ANKRD44: variants seen among roughly 807,000 people sequenced by gnomAD.
The protein encoded by ANKRD44 is serine/threonine-protein phosphatase 6 regulatory ankyrin repeat subunit B.
A neutral mutation model predicts 116.0 loss-of-function variants in ANKRD44; 35 were observed. The observed-to-expected ratio is 0.30, with a 90% confidence interval of 0.23 to 0.40. The LOEUF is 0.40. Ranked by LOEUF, ANKRD44 falls within the 10% of genes least tolerant of loss-of-function variation. The pLI is 1.00. For synonymous variants in ANKRD44, 435 were observed against 461.8 expected (o/e 0.94, Z 0.74); for missense variants, 1,014 against 1,242.6 (o/e 0.82, Z 2.77).
chr2:196,981,542 G>A (rs879259114), intron 21 of ANKRD44, among the ~76,000 whole-genome samples: 2 of 152,164 alleles, frequency 1.3e-5, no homozygotes, highest in Admixed American at 6.5e-5. Flanking sequence ...GTGGGAGGCT[G>A]AGGCAGGTGG....
intron 2 of ANKRD44, among the ~76,000 whole-genome samples, chr2:197,148,909 A>G (rs2079571803): frequency 6.6e-6 from 1 of 152,224 alleles, no homozygotes; most frequent in South Asian, 2.1e-4. Flanking sequence ...CTTGTTATAG[A>G]TATATCACCC....
intron 1 of ANKRD44, among the ~76,000 whole-genome samples, chr2:197,195,195 G>T (rs1333156777): frequency 6.6e-6 from 1 of 152,050 alleles, no homozygotes; most frequent in Non-Finnish European, 1.5e-5. Context: ...TGCCCAGGCT[G>T]CTCTTGAACC....
chr2:197,223,395 G>C (rs2081628930), intron 1 of ANKRD44, among the ~76,000 whole-genome samples: 1 of 152,056 alleles, frequency 6.6e-6, no homozygotes, highest in African/African-American at 2.4e-5. Flanking sequence ...GATTTAGAGG[G>C]CATATATATC....
At chr2:197,272,479 G>T (rs987940180) in intron 1 of ANKRD44, among the ~76,000 whole-genome samples, 4 of 152,134 alleles carry the variant, frequency 2.6e-5, no homozygotes, top group Non-Finnish European at 4.4e-5. Context: ...CTTGTGATCC[G>T]CCCGCCTTGG....
intron 2 of ANKRD44, among the ~76,000 whole-genome samples, chr2:197,150,008 G>T (rs2079602204): frequency 6.6e-6 from 1 of 152,122 alleles, no homozygotes; most frequent in Admixed American, 6.5e-5. Context: ...AAATCTAGCT[G>T]GTTATTATGA....
chr2:197,013,410 AT>A, intron 18 of ANKRD44, 100 bp downstream of exon 18: 1 of 1,307,390 alleles, frequency 7.6e-7, no homozygotes, highest in South Asian at 1.4e-5. Flanking sequence ...AAGAAAATTG[AT>A]ATTTAAAAAA....
intron 4 of ANKRD44, among the ~76,000 whole-genome samples, chr2:197,130,605 T>C (rs2079072845): frequency 6.6e-6 from 1 of 152,242 alleles, no homozygotes; most frequent in African/African-American, 2.4e-5. Context: ...GTACCGCTTG[T>C]CTACATTCTA....
intron 16 of ANKRD44, among the ~76,000 whole-genome samples, chr2:197,026,798 G>C (rs1020761127): frequency 6.6e-6 from 1 of 152,110 alleles, no homozygotes; most frequent in Non-Finnish European, 1.5e-5. Context: ...ACAGTGGCTT[G>C]GACCAGCAAG....
At chr2:197,074,628 C>G (rs1038842047) in intron 16 of ANKRD44, among the ~76,000 whole-genome samples, 5 of 152,110 alleles carry the variant, frequency 3.3e-5, no homozygotes, top group Non-Finnish European at 7.4e-5. Context: ...CACATCACAT[C>G]ACCATACCTG....
chr2:197,121,356 G>C lies in ANKRD44; in HGVS notation c.882C>G (p.Asn294Lys). 1 of 1,614,126 alleles carries C rather than the reference G, an allele frequency of 6.2e-7. No individual in the cohort carries two copies. Among genetic ancestry groups the C allele is most frequent in the Non-Finnish European group, 8.5e-7 (1 of 1,180,006 alleles). The change falls in exon 8 of 28, where the codon AAC becomes AAG. Residue 294 changes from asparagine (N) to lysine (K), a missense_variant. Coordinates refer to ENST00000282272, the MANE Select transcript of ANKRD44 (RefSeq NM_001195144.2). ...CCTGAATGTTAACATCTGCCCCGTT[G>C]TTTACTAACAATTCAAGACACAAAG... The part of the protein sequence containing the change: ...HGALCLELLV[N>K]NGADVNIQSK...
rs1227630470 is a variant in ANKRD44, at chr2:196,995,195, A to G, written c.2831+184T>C. 1.3e-5 allele frequency: 5 copies of G among 378,558 alleles called. No individual in the cohort carries two copies. The Admixed American group carries it at 2.3e-4, about 17-fold the overall frequency. The allele number at this position is 378,558 out of a possible 1,614,324, so 23.4% of individuals were successfully genotyped here. On this transcript the variant is annotated intron_variant, in intron 26 of 27. Coordinates refer to ENST00000282272, the MANE Select transcript of ANKRD44 (RefSeq NM_001195144.2). ...CATATCAAAAGAAGGATTCTAACTA[A>G]AACTGCCCAGCTTGGTCAGCACTTG...
intron 1 of ANKRD44, among the ~76,000 whole-genome samples, chr2:197,255,993 T>G (rs1261293267): frequency 6.6e-6 from 1 of 152,192 alleles, no homozygotes; most frequent in Non-Finnish European, 1.5e-5. Flanking sequence ...TTTAGAAAAT[T>G]GTTTGGAGGG....
chr2:197,279,108 G>A (rs2083190237), intron 1 of ANKRD44, among the ~76,000 whole-genome samples: 1 of 152,178 alleles, frequency 6.6e-6, no homozygotes, highest in African/African-American at 2.4e-5. Context: ...TAGCAGTGCT[G>A]TATTTAAGAG....
At chr2:197,132,539 G>T (rs982110085) in intron 4 of ANKRD44, among the ~76,000 whole-genome samples, 34 of 152,192 alleles carry the variant, frequency 2.2e-4, no homozygotes, top group South Asian at 6.2e-4. Flanking sequence ...TGAAAACAAG[G>T]CTCCAAAATT....
chr2:197,069,249 T>C lies in ANKRD44; in HGVS notation c.1650+9454A>G, dbSNP rs746547559. 9.2e-4 allele frequency among the ~76,000 whole-genome samples: 137 copies of C among 149,080 alleles called. 1 individual carries two copies. Among genetic ancestry groups the C allele is most frequent in the Non-Finnish European group, 1.7e-3 (116 of 67,510 alleles). On this transcript the variant is annotated intron_variant, in intron 16 of 27. Transcript: ENST00000282272. ...TCACTCATAGGTGGGAATTGAACAA[T>C]GAGAAAACTTGGACACAGGAAGGGG...
At chr2:197,127,323 A>T (rs990843857) in intron 4 of ANKRD44, among the ~76,000 whole-genome samples, 4 of 152,220 alleles carry the variant, frequency 2.6e-5, no homozygotes, top group Non-Finnish European at 5.9e-5. Context: ...CACTGGCTTA[A>T]TACATATAAT....
intron 1 of ANKRD44, among the ~76,000 whole-genome samples, chr2:197,224,190 T>C (rs2081648248): frequency 1.3e-5 from 2 of 152,190 alleles, no homozygotes. Flanking sequence ...CACATGGCAC[T>C]GATGGAAGTG....
intron 2 of ANKRD44, among the ~76,000 whole-genome samples, chr2:197,150,671 T>C (rs1255013320): frequency 6.6e-6 from 1 of 152,144 alleles, no homozygotes; most frequent in Non-Finnish European, 1.5e-5. Flanking sequence ...GTAAACATCA[T>C]TTTAAATGAA....
At chr2:197,296,527 T>C (rs1437337109) in intron 1 of ANKRD44, 2 of 152,232 alleles carry the variant, frequency 1.3e-5, no homozygotes, top group Non-Finnish European at 2.9e-5. Context: ...AACACTCACC[T>C]AAGAAACTAA....
Sources: allele counts gnomAD v4.1 joint callset (sites outside exome capture counted in the v4.1 genomes callset), GRCh38; gene constraint gnomAD v4.1.1; transcripts MANE v1.5; gene names NCBI Gene and HGNC (gene_info 2026-07-23, HGNC 2026-07-21).